The following DLG2 variants were observed in gnomAD, a reference collection of about 807,000 sequenced individuals.
DLG2 encodes the protein discs large MAGUK scaffold protein 2.
Under a neutral mutation model 132.5 loss-of-function variants are expected in DLG2, and 45 were observed. The ratio of observed to expected loss-of-function variants is 0.34; its 90% CI spans 0.27 to 0.44. The LOEUF (loss-of-function observed/expected upper bound fraction) is 0.44. DLG2 is among the 20% of genes least tolerant of loss of function. DLG2 has a pLI of 1.00. For missense variants in DLG2, 1,045 were observed against 1,196.9 expected (o/e 0.87, Z 1.87); for synonymous variants, 424 against 419.6 (o/e 1.01, Z -0.13).
At position 85,568,696 on chromosome 11, in the gene DLG2, G is replaced by A. The variant is rs114910278; in HGVS notation, c.40+29961C>T. Among the ~76,000 whole-genome samples, 1,198 of 151,960 alleles carry A rather than the reference G, an allele frequency of 7.9e-3. 16 individuals are homozygous for A. Among genetic ancestry groups the A allele is most frequent in the African/African-American group, 0.028 (1,141 of 41,438 alleles). On this transcript the variant is annotated intron_variant, in intron 3 of 27. Transcript: ENST00000376104. ...TTCAACTATGTTGTCTAATTTGTTC[G>A]GCATACAATTGCTTATACTATTTTC...
intron 6 of DLG2, among the ~76,000 whole-genome samples, chr11:84,697,536 A>G (rs1314602263): frequency 6.6e-6 from 1 of 151,524 alleles, no homozygotes; most frequent in Middle Eastern, 3.2e-3. Flanking sequence ...TTCCAATGCA[A>G]TTATATGGAT....
At chr11:84,971,470 G>A (rs1187212750) in intron 6 of DLG2, among the ~76,000 whole-genome samples, 1 of 152,146 alleles carries the variant, frequency 6.6e-6, no homozygotes, top group African/African-American at 2.4e-5. Flanking sequence ...AACTATTCTG[G>A]AGAAACGAGA....
intron 10 of DLG2, among the ~76,000 whole-genome samples, chr11:84,061,829 C>T (rs923854656): frequency 1.5e-5 from 2 of 129,724 alleles, no homozygotes; most frequent in African/African-American, 5.8e-5. Flanking sequence ...TAGACTTACA[C>T]ATACATTTCC....
intron 3 of DLG2, among the ~76,000 whole-genome samples, chr11:85,356,643 T>C (rs1005542613): frequency 6.6e-6 from 1 of 152,204 alleles, no homozygotes; most frequent in Non-Finnish European, 1.5e-5. Context: ...GATCAGTCAA[T>C]GATCTCAAGC....
At chr11:84,603,167 G>T (rs1030268961) in intron 6 of DLG2, among the ~76,000 whole-genome samples, 1 of 151,832 alleles carries the variant, frequency 6.6e-6, no homozygotes, top group African/African-American at 2.4e-5. Flanking sequence ...CATTATAAAT[G>T]CTTTAGAAGG....
At position 85,011,910 on chromosome 11, in the gene DLG2, C is replaced by T. The variant is rs146398411; in HGVS notation, c.357+99751G>A. Reference sequence around the variant, plus strand: ...AATTTATTCCTTCAGCAAACATTTACTATTGAGTATGCTTTTTACTATTCT... The same window carrying T: ...AATTTATTCCTTCAGCAAACATTTATTATTGAGTATGCTTTTTACTATTCT... On this transcript the variant is annotated intron_variant, in intron 6 of 27. Coordinates refer to ENST00000376104, the MANE Select transcript of DLG2 (RefSeq NM_001142699.3). Among the ~76,000 whole-genome samples, 711 of 152,222 alleles carry T rather than the reference C, an allele frequency of 4.7e-3. 3 individuals are homozygous for T. Among genetic ancestry groups the T allele is most frequent in the Non-Finnish European group, 8.2e-3 (561 of 68,010 alleles).
At chr11:84,359,779 C>T (rs1263125648) in intron 7 of DLG2, among the ~76,000 whole-genome samples, 2 of 151,856 alleles carry the variant, frequency 1.3e-5, no homozygotes, top group South Asian at 2.1e-4. Context: ...GCTCCCTACA[C>T]TAAGATAATA....
intron 7 of DLG2, among the ~76,000 whole-genome samples, chr11:84,416,125 C>G (rs537011438): frequency 1.7e-4 from 26 of 152,282 alleles, no homozygotes; most frequent in South Asian, 6.2e-4. Context: ...TGTGCTCCAG[C>G]CTTGATACCA....
intron 18 of DLG2, among the ~76,000 whole-genome samples, chr11:83,724,550 G>A (rs1173792494): frequency 6.7e-6 from 1 of 149,426 alleles, no homozygotes; most frequent in Non-Finnish European, 1.5e-5. Context: ...GTTCACATGA[G>A]ATAATCCTGC....
chr11:85,410,765 A>G lies in DLG2; in HGVS notation c.41-125400T>C, dbSNP rs143804211. Among the ~76,000 whole-genome samples the G allele has an allele frequency of 3.3e-5, 5 of 152,038 alleles. No homozygotes were observed. In the East Asian group the frequency reaches 9.7e-4, roughly 29 times the overall value. ...CAAATGAGTACACTATGGTATAGTA[A>G]GTGATGTGTTACAGGGGAGAAATTC... On this transcript the variant is annotated intron_variant, in intron 3 of 27. Coordinates refer to ENST00000376104, the MANE Select transcript of DLG2 (RefSeq NM_001142699.3).
chr11:85,414,463 T>C (rs1386760664), intron 3 of DLG2, among the ~76,000 whole-genome samples: 1 of 151,788 alleles, frequency 6.6e-6, no homozygotes, highest in Non-Finnish European at 1.5e-5. Flanking sequence ...GAAAGAGTGC[T>C]TGATATAATT....
intron 11 of DLG2, among the ~76,000 whole-genome samples, chr11:83,989,597 C>T (rs1335445115): frequency 6.6e-6 from 1 of 152,074 alleles, no homozygotes; most frequent in Non-Finnish European, 1.5e-5. Flanking sequence ...GAAGTTAGAA[C>T]TGATAAAAGA....
chr11:85,516,784 C>A (rs2094177803), intron 3 of DLG2, among the ~76,000 whole-genome samples: 1 of 151,872 alleles, frequency 6.6e-6, no homozygotes, highest in Admixed American at 6.6e-5. Flanking sequence ...GTAATAAAAA[C>A]TTTCCCAATA....
chr11:85,266,453 C>T (rs2077217363), intron 4 of DLG2, among the ~76,000 whole-genome samples: 1 of 152,006 alleles, frequency 6.6e-6, no homozygotes, highest in Admixed American at 6.6e-5. Context: ...ACAGTAGGGC[C>T]TGTTGGGGGA....
rs1008100481 is a variant in DLG2 at position 84,099,051 on chromosome 11, T to C, written c.625-4A>G. ...TGAATCCCAGGCCAGAATTCCCCTA[T>C]AGAAACAAAAAGCAGATATTAAATG... On this transcript the variant is annotated splice_region_variant and splice_polypyrimidine_tract_variant and intron_variant, in intron 9 of 27. Transcript: ENST00000376104. 10 of 1,612,336 alleles carry C rather than the reference T, an allele frequency of 6.2e-6. No homozygotes were observed. The highest frequency in any genetic ancestry group is 4.0e-5 in the African/African-American group (3 of 74,860).
chr11:84,262,333 G>A (rs1410566372), intron 7 of DLG2, among the ~76,000 whole-genome samples: 1 of 152,168 alleles, frequency 6.6e-6, no homozygotes, highest in South Asian at 2.1e-4. Flanking sequence ...AGTTAGGTGG[G>A]AGGAAGTATG....
intron 12 of DLG2, 115 bp from the exon 13 acceptor site, chr11:83,965,583 G>C: frequency 1.3e-6 from 1 of 789,720 alleles, no homozygotes; most frequent in Non-Finnish European, 2.0e-6. Flanking sequence ...CAGTATCCTT[G>C]ACATAACAGA....
At chr11:83,467,810 T>TACATATATATATATATATATATACAC (rs2091395700) in intron 25 of DLG2, among the ~76,000 whole-genome samples, 1 of 96,312 alleles carries the variant, frequency 1.0e-5, no homozygotes, top group Non-Finnish European at 2.0e-5. Flanking sequence ...TATATATATA[T>TACATATATATATATATATATATACAC]ACACACACAC....
chr11:85,512,967 C>A (rs2094107182), intron 3 of DLG2, among the ~76,000 whole-genome samples: 1 of 151,820 alleles, frequency 6.6e-6, no homozygotes, highest in Admixed American at 6.6e-5. Context: ...GTAAACTGGA[C>A]AAAGTAAATG....
Sources: allele counts gnomAD v4.1 joint callset (sites outside exome capture counted in the v4.1 genomes callset), GRCh38; gene constraint gnomAD v4.1.1; transcripts MANE v1.5; gene names NCBI Gene and HGNC (gene_info 2026-07-23, HGNC 2026-07-21).